Variants in MALRD1 observed in about 807,000 individuals in gnomAD.
MALRD1 encodes MAM and LDL receptor class A domain containing 1.
MALRD1 carries 247 observed loss-of-function variants against 242.1 expected under a neutral mutation model. That is an observed-to-expected ratio of 1.02 (90% CI 0.92 to 1.13). The LOEUF (loss-of-function observed/expected upper bound fraction) is 1.13, where lower values mean the gene tolerates loss of function less well. MALRD1 is among the 50% of genes most tolerant of loss of function. The pLI is 0.00. For synonymous variants in MALRD1, 995 were observed against 866.6 expected (o/e 1.15, Z -2.60); for missense variants, 2,989 against 2,533.1 (o/e 1.18, Z -3.86).
At chr10:19,597,884 A>G (rs1838176916) in intron 34 of MALRD1, among the ~76,000 whole-genome samples, 1 of 152,208 alleles carries the variant, frequency 6.6e-6, no homozygotes, top group Admixed American at 6.6e-5. Flanking sequence ...GGACGAATAA[A>G]GCAGAGATCT....
At chr10:19,713,754 A>G (rs764866516) in intron 38 of MALRD1, among the ~76,000 whole-genome samples, 12 of 152,248 alleles carry the variant, frequency 7.9e-5, no homozygotes, top group Admixed American at 3.3e-4. Flanking sequence ...AGACACCCTC[A>G]TGGTAAAATG....
rs559868659 is a variant in MALRD1 at position 19,715,815 on chromosome 10, G to C, written c.6315-14891G>C. ...CATCACATGACAAGAGTGATTGAGA[G>C]AGAGAGGGAGGAGGTGCCATGCTCT... is the stretch of plus-strand genomic sequence containing the variant. On this transcript the variant is annotated intron_variant, in intron 38 of 39. Transcript: ENST00000454679. Among the ~76,000 whole-genome samples, 10 of 152,334 alleles carry C rather than the reference G, an allele frequency of 6.6e-5. No homozygotes were observed. The South Asian group carries it at 2.1e-3, about 32-fold the overall frequency.
intron 28 of MALRD1, among the ~76,000 whole-genome samples, chr10:19,399,600 AC>A (rs1846740696): frequency 6.6e-6 from 1 of 152,148 alleles, no homozygotes; most frequent in African/African-American, 2.4e-5. Context: ...TAGAGAGAAA[AC>A]CCTTGTGATT....
intron 33 of MALRD1, among the ~76,000 whole-genome samples, chr10:19,574,524 G>C (rs1422880059): frequency 1.3e-5 from 2 of 152,146 alleles, no homozygotes; most frequent in Non-Finnish European, 2.9e-5. Flanking sequence ...GAGAAAGAGA[G>C]AGAATGAATT....
chr10:19,115,764 T>C (rs573462860), intron 5 of MALRD1, among the ~76,000 whole-genome samples: 3 of 152,186 alleles, frequency 2.0e-5, no homozygotes, highest in African/African-American at 7.2e-5. Context: ...TAATCCCAGC[T>C]ACTGGGGAGG....
intron 28 of MALRD1, among the ~76,000 whole-genome samples, chr10:19,405,512 CAA>C (rs1847055044): frequency 1.3e-5 from 2 of 152,242 alleles, no homozygotes; most frequent in South Asian, 4.1e-4. Context: ...CTGTTTTCAA[CAA>C]AGATTCAATG....
chr10:19,199,408 G>A (rs1254584394), intron 14 of MALRD1, among the ~76,000 whole-genome samples: 1 of 152,180 alleles, frequency 6.6e-6, no homozygotes, highest in Non-Finnish European at 1.5e-5. Flanking sequence ...TAAGAGGATA[G>A]CCTTTGCCAT....
chr10:19,450,401 A>G lies in MALRD1; in HGVS notation c.4940A>G (p.Asn1647Ser). Reference protein sequence around the residue: ...KADILLGKLRNFEVIFQGIRT... With the variant: ...KADILLGKLRSFEVIFQGIRT... ...GACATCCTGCTAGGAAAGTTAAGGAATTTTGAAGTCATATTTCAAGGTATC... is the reference window on the plus strand; with the variant it reads ...GACATCCTGCTAGGAAAGTTAAGGAGTTTTGAAGTCATATTTCAAGGTATC... Residue 1647 changes from asparagine (N) to serine (S), a missense_variant, in exon 29 of 40, where the codon AAT becomes AGT. Coordinates refer to ENST00000454679, the MANE Select transcript of MALRD1 (RefSeq NM_001142308.3). The G allele has an allele frequency of 6.4e-7, 1 of 1,550,498 alleles. No homozygotes were observed. The highest frequency in any genetic ancestry group is 8.7e-7 in the Non-Finnish European group (1 of 1,146,948).
intron 19 of MALRD1, among the ~76,000 whole-genome samples, chr10:19,276,310 ATT>A (rs998571745): frequency 2.1e-5 from 3 of 140,338 alleles, no homozygotes; most frequent in African/African-American, 5.2e-5. Context: ...ATATATATAT[ATT>A]TTCAGTAAAA....
At chr10:19,449,303 A>G (rs2131032376) in intron 28 of MALRD1, among the ~76,000 whole-genome samples, 1 of 152,266 alleles carries the variant, frequency 6.6e-6, no homozygotes, top group Non-Finnish European at 1.5e-5. Flanking sequence ...CAGTCTCCCA[A>G]GTAGCTGGGA....
At chr10:19,592,757 A>G (rs2358418) in intron 33 of MALRD1, among the ~76,000 whole-genome samples, 22,414 of 119,784 alleles carry the variant, frequency 0.19, 2,132 homozygotes, top group African/African-American at 0.26. Flanking sequence ...ACACACACAC[A>G]CACACGCACG....
At chr10:19,210,183 AC>A (rs1418751179) in intron 18 of MALRD1, among the ~76,000 whole-genome samples, 1 of 152,188 alleles carries the variant, frequency 6.6e-6, no homozygotes, top group Non-Finnish European at 1.5e-5. Context: ...TTCAGATTTC[AC>A]CTGCTGTTTT....
chr10:19,112,015 T>A (rs111587948), intron 5 of MALRD1, among the ~76,000 whole-genome samples: 11 of 152,166 alleles, frequency 7.2e-5, no homozygotes, highest in Non-Finnish European at 5.9e-5. Flanking sequence ...CTAGCCAAGT[T>A]CAGGCACTGT....
chr10:19,528,080 T>G (rs1457997877), intron 31 of MALRD1, among the ~76,000 whole-genome samples: 1 of 152,192 alleles, frequency 6.6e-6, no homozygotes, highest in Non-Finnish European at 1.5e-5. Context: ...TGGAACAAAA[T>G]GTGAAACTTA....
intron 29 of MALRD1, 189 bp from the exon 30 acceptor site, chr10:19,491,328 G>C (rs1055564954): frequency 1.3e-6 from 1 of 742,514 alleles, no homozygotes; most frequent in African/African-American, 1.8e-5. Flanking sequence ...CAGAAGTAGA[G>C]TCTATATAAC....
chr10:19,653,943 A>C (rs985745070), intron 36 of MALRD1, among the ~76,000 whole-genome samples: 2 of 152,198 alleles, frequency 1.3e-5, no homozygotes, highest in African/African-American at 4.8e-5. Context: ...CAGATGGGTG[A>C]AATCCAAGTG....
intron 28 of MALRD1, among the ~76,000 whole-genome samples, chr10:19,448,056 C>T (rs1250167692): frequency 6.6e-6 from 1 of 152,100 alleles, no homozygotes; most frequent in Non-Finnish European, 1.5e-5. Context: ...AGAGGAAGAA[C>T]CACTTGATCA....
At chr10:19,532,543 C>T (rs1834466104) in intron 32 of MALRD1, among the ~76,000 whole-genome samples, 1 of 152,068 alleles carries the variant, frequency 6.6e-6, no homozygotes, top group African/African-American at 2.4e-5. Flanking sequence ...CCTGAGCCAC[C>T]ATGCCCCCCT....
intron 35 of MALRD1, among the ~76,000 whole-genome samples, chr10:19,613,963 G>T (rs574400726): frequency 6.6e-6 from 1 of 151,896 alleles, no homozygotes; most frequent in South Asian, 2.1e-4. Flanking sequence ...TGCTCTTCTT[G>T]GTGTTCCCAT....
Sources: gnomAD v4.1 joint callset for allele counts (sites outside exome capture counted in the v4.1 genomes callset) on GRCh38, gnomAD v4.1.1 for gene constraint, MANE v1.5 for transcripts, NCBI Gene and HGNC (gene_info 2026-07-23, HGNC 2026-07-21) for gene names.